GRID2: variants seen among roughly 807,000 people sequenced by gnomAD.
The protein encoded by GRID2 is glutamate receptor ionotropic, delta-2.
Under a neutral mutation model 114.8 loss-of-function variants are expected in GRID2, and 33 were observed. The ratio of observed to expected loss-of-function variants is 0.29; its 90% CI spans 0.22 to 0.38. GRID2 has a LOEUF of 0.38. GRID2 is among the 10% of genes least tolerant of loss of function. The pLI is 1.00. For missense variants in GRID2, 1,184 were observed against 1,257.7 expected (o/e 0.94, Z 0.89); for synonymous variants, 505 against 449.9 (o/e 1.12, Z -1.55).
intron 2 of GRID2, among the ~76,000 whole-genome samples, chr4:92,796,007 C>T (rs1739849908): frequency 6.6e-6 from 1 of 151,942 alleles, no homozygotes; most frequent in African/African-American, 2.4e-5. Flanking sequence ...AACATCTGGA[C>T]AGTTTCTTTA....
At position 93,361,202 on chromosome 4, in the gene GRID2, G is replaced by A. The variant is rs115051216; in HGVS notation, c.1246-34405G>A. The stretch of plus-strand genomic sequence containing the variant: ...ATGATTATCATCCCATTTACTGAGG[G>A]TTACAGTTGAGTGAAGCAGAGGGAA... On this transcript the variant is annotated intron_variant, in intron 8 of 15. Coordinates refer to ENST00000282020, the MANE Select transcript of GRID2 (RefSeq NM_001510.4). Among the ~76,000 whole-genome samples the A allele has an allele frequency of 6.9e-3, 1,048 of 152,016 alleles. 11 individuals carry two copies. Among genetic ancestry groups the A allele is most frequent in the African/African-American group, 0.023 (970 of 41,480 alleles).
intron 8 of GRID2, among the ~76,000 whole-genome samples, chr4:93,369,567 C>A (rs1223050033): frequency 6.6e-6 from 1 of 152,098 alleles, no homozygotes; most frequent in Non-Finnish European, 1.5e-5. Context: ...TGGCTCACTG[C>A]AGCATCACAC....
At chr4:93,166,974 G>A (rs1049280311) in intron 4 of GRID2, among the ~76,000 whole-genome samples, 2 of 152,110 alleles carry the variant, frequency 1.3e-5, no homozygotes, top group African/African-American at 4.8e-5. Flanking sequence ...GCAGTGCATT[G>A]ACAATTATTT....
chr4:93,041,009 A>G (rs1007415251), intron 2 of GRID2, among the ~76,000 whole-genome samples: 3 of 152,174 alleles, frequency 2.0e-5, no homozygotes, highest in African/African-American at 7.2e-5. Flanking sequence ...GGGTAAAGGA[A>G]TGGTAGCGAT....
chr4:92,647,052 A>G (rs1287850219), intron 2 of GRID2, among the ~76,000 whole-genome samples: 1 of 152,224 alleles, frequency 6.6e-6, no homozygotes, highest in African/African-American at 2.4e-5. Flanking sequence ...CAAATGTACA[A>G]TGATCGGTTA....
At chr4:92,730,643 T>A (rs1166107702) in intron 2 of GRID2, among the ~76,000 whole-genome samples, 4 of 151,960 alleles carry the variant, frequency 2.6e-5, no homozygotes, top group Non-Finnish European at 5.9e-5. Context: ...GATATTTTAG[T>A]GATTAGACTA....
chr4:92,780,745 T>G (rs1739030212), intron 2 of GRID2, among the ~76,000 whole-genome samples: 1 of 152,116 alleles, frequency 6.6e-6, no homozygotes, highest in Admixed American at 6.6e-5. Context: ...GTATTCTGTG[T>G]GTATTTCTCT....
intron 8 of GRID2, among the ~76,000 whole-genome samples, chr4:93,308,352 A>T (rs1321443786): frequency 6.6e-6 from 1 of 152,154 alleles, no homozygotes; most frequent in African/African-American, 2.4e-5. Flanking sequence ...GTTCAAAATC[A>T]ATTCTATTCC....
chr4:93,615,542 G>C (rs1741533520), intron 13 of GRID2, among the ~76,000 whole-genome samples: 1 of 151,354 alleles, frequency 6.6e-6, no homozygotes, highest in Non-Finnish European at 1.5e-5. Flanking sequence ...CTAGATCCTG[G>C]AGAAATCAAC....
At chr4:92,819,718 G>A (rs141848581) in intron 2 of GRID2, among the ~76,000 whole-genome samples, 1,653 of 152,176 alleles carry the variant, frequency 0.011, 36 homozygotes, top group African/African-American at 0.035. Flanking sequence ...GACAGCATAG[G>A]TGACAAAAAC....
At chr4:93,429,582 T>G in intron 10 of GRID2, among the ~76,000 whole-genome samples, 1 of 152,282 alleles carries the variant, frequency 6.6e-6, no homozygotes. Context: ...ATTAAATCTC[T>G]TCATGCTAAC....
chr4:93,523,926 G>A (rs1730582787), intron 13 of GRID2, among the ~76,000 whole-genome samples: 1 of 152,038 alleles, frequency 6.6e-6, no homozygotes, highest in African/African-American at 2.4e-5. Flanking sequence ...ACTTCGTCCT[G>A]ACCTTGCATG....
intron 11 of GRID2, among the ~76,000 whole-genome samples, chr4:93,464,893 C>T (rs1358193707): frequency 6.6e-6 from 1 of 152,166 alleles, no homozygotes; most frequent in African/African-American, 2.4e-5. Flanking sequence ...TGTTTTCTAG[C>T]AGTTAGTGTT....
At chr4:92,691,093 G>T (rs768989364) in intron 2 of GRID2, among the ~76,000 whole-genome samples, 5 of 151,960 alleles carry the variant, frequency 3.3e-5, no homozygotes, top group African/African-American at 4.8e-5. Flanking sequence ...TTCCCATTAG[G>T]GTGGAGATAA....
intron 10 of GRID2, among the ~76,000 whole-genome samples, chr4:93,446,898 A>C (rs1045773715): frequency 3.2e-4 from 49 of 151,494 alleles, no homozygotes; most frequent in African/African-American, 1.2e-3. Flanking sequence ...TATATTTTAT[A>C]TAAATTTGTG....
rs753814961 is a variant in GRID2 at position 93,137,966 on chromosome 4, G to GTTTTTTTTTTT, written c.735+27027_735+27037dup. Among the ~76,000 whole-genome samples the GTTTTTTTTTTT allele has an allele frequency of 2.2e-4, 17 of 78,404 alleles. 1 individual carries two copies. Among genetic ancestry groups the GTTTTTTTTTTT allele is most frequent in the East Asian group, 8.4e-4 (2 of 2,370 alleles). The allele number at this position is 78,404 out of a possible 152,430, so 51.4% of individuals were successfully genotyped here. On this transcript the variant is annotated intron_variant, in intron 4 of 15. Transcript: ENST00000282020. The stretch of plus-strand genomic sequence containing the variant: ...AAAGTCTAGCAAGAATTTTTTCTTC[G>GTTTTTTTTTTT]TTTTTTTTTTTTTTTTTTTTTTTTG...
chr4:92,352,792 C>G (rs75481152), intron 1 of GRID2, among the ~76,000 whole-genome samples: 9,978 of 151,832 alleles, frequency 0.066, 394 homozygotes, highest in Middle Eastern at 0.14. Flanking sequence ...AGCAGGTGTT[C>G]TTTGTCTGTT....
chr4:92,954,449 C>T (rs1053232049), intron 2 of GRID2, among the ~76,000 whole-genome samples: 2 of 149,942 alleles, frequency 1.3e-5, no homozygotes, highest in Non-Finnish European at 3.0e-5. Flanking sequence ...TTTTTTGAGA[C>T]GGAGTCTCAC....
chr4:92,522,719 T>A (rs1296527558), intron 1 of GRID2, among the ~76,000 whole-genome samples: 1 of 151,892 alleles, frequency 6.6e-6, no homozygotes, highest in Admixed American at 6.6e-5. Flanking sequence ...AAAGATAACT[T>A]CAAGTTTTGG....
Sources: allele counts gnomAD v4.1 joint callset (sites outside exome capture counted in the v4.1 genomes callset), GRCh38; gene constraint gnomAD v4.1.1; transcripts MANE v1.5; gene names NCBI Gene and HGNC (gene_info 2026-07-23, HGNC 2026-07-21).